The following PIGN variants were observed in gnomAD, a reference collection of about 807,000 sequenced individuals.
PIGN encodes phosphatidylinositol glycan anchor biosynthesis class N.
PIGN carries 117 observed loss-of-function variants against 125.4 expected under a neutral mutation model. The ratio of observed to expected loss-of-function variants is 0.93; its 90% confidence interval spans 0.80 to 1.09. The LOEUF (loss-of-function observed/expected upper bound fraction) is 1.09, where lower values mean the gene tolerates loss of function less well. Among genes scored for constraint, PIGN ranks in the 50% least tolerant of loss-of-function variants. The pLI, the probability that PIGN is intolerant of heterozygous loss-of-function variation, is 0.00. For missense variants in PIGN, 1,075 were observed against 1,094.9 expected, an observed-to-expected ratio of 0.98 and a Z score of 0.26; for synonymous variants, 392 against 377.8, an observed-to-expected ratio of 1.04 and a Z score of -0.44.
chr18:62,128,292 G>C (rs2146941103), intron 14 of PIGN, among the ~76,000 whole-genome samples: 1 of 152,240 alleles, frequency 6.6e-6, no homozygotes, highest in South Asian at 2.1e-4. Context: ...ACAAACTGAG[G>C]ACTTTCAGAG....
chr18:62,082,809 A>G (rs2033512291), intron 27 of PIGN, 63 bp from the exon 28 acceptor site: 2 of 860,786 alleles, frequency 2.3e-6, no homozygotes, highest in Non-Finnish European at 3.7e-6. Context: ...TTTTGAAAAA[A>G]ATACTATTTC....
intron 30 of PIGN, among the ~76,000 whole-genome samples, chr18:62,047,123 C>T (rs888143715): frequency 6.6e-6 from 1 of 152,230 alleles, no homozygotes; most frequent in South Asian, 2.1e-4. Context: ...ATTAACTGAT[C>T]TACTTCAGCC....
At chr18:62,032,700 T>C (rs1427006260) in intron 23 of PIGN, among the ~76,000 whole-genome samples, 1 of 152,222 alleles carries the variant, frequency 6.6e-6, no homozygotes, top group Non-Finnish European at 1.5e-5. Flanking sequence ...TGTGAGATCT[T>C]GGGCAAGTTA....
chr18:62,143,710 G>T (rs1326460303), intron 10 of PIGN, among the ~76,000 whole-genome samples: 3 of 152,088 alleles, frequency 2.0e-5, no homozygotes, highest in Non-Finnish European at 2.9e-5. Flanking sequence ...GAGTTATTAA[G>T]GCAATTCATA....
At chr18:62,048,498 A>G (rs1171665967) in intron 30 of PIGN, among the ~76,000 whole-genome samples, 2 of 152,150 alleles carry the variant, frequency 1.3e-5, no homozygotes, top group Non-Finnish European at 2.9e-5. Context: ...ATTTCTCATC[A>G]GAAAATATGG....
rs375923435 is a variant in PIGN at position 62,180,899 on chromosome 18, G to C, written c.-236+5945C>G. Among the ~76,000 whole-genome samples, 3 of 152,130 alleles carry C rather than the reference G, an allele frequency of 2.0e-5. No homozygotes were observed. In the South Asian group the frequency reaches 6.2e-4, roughly 32 times the overall value. On this transcript the variant is annotated intron_variant, in intron 1 of 30. Transcript: ENST00000640252. ...TGAGTTTTTTGTGTCTTGTACTATA[G>C]AAGAAAACTTTCCTGGTTCTTATGT...
chr18:62,113,205 T>A lies in PIGN; in HGVS notation c.1363A>T (p.Ile455Leu). 6.2e-7 allele frequency: 1 copy of A among 1,612,926 alleles called. No individual in the cohort carries two copies. The highest frequency in any genetic ancestry group is 8.5e-7 in the Non-Finnish European group (1 of 1,179,382). The change falls in exon 16 of 31, where the codon ATA becomes TTA. Residue 455 changes from isoleucine to leucine, a missense_variant. By Grantham distance (5) the Ile-to-Leu change is conservative. Around this residue, in one of 3 missense-constraint regions of PIGN, gnomAD observed 915 missense variants for 908.7 expected, o/e 1.01. Coordinates refer to ENST00000640252, the MANE Select transcript of PIGN (RefSeq NM_176787.5). ...VNVVIGFVGW[I>L]SYASLLIIKS... ...ATGATCAACAAAGAGGCATAAGATA[T>A]CCATCCCACAAAACCAATAACAACA...
chr18:62,066,644 C>G (rs987714049), intron 30 of PIGN, among the ~76,000 whole-genome samples: 6 of 152,158 alleles, frequency 3.9e-5, no homozygotes, highest in African/African-American at 1.4e-4. Context: ...GGACTCCGAT[C>G]TCAGATAAAC....
intron 17 of PIGN, among the ~76,000 whole-genome samples, chr18:62,108,537 C>T (rs1028948067): frequency 6.6e-6 from 1 of 151,740 alleles, no homozygotes; most frequent in Non-Finnish European, 1.5e-5. Context: ...GTCTTTTTGC[C>T]TTATAGTTAA....
At chr18:62,090,357 C>T (rs1414012934) in intron 24 of PIGN, 119 bp downstream of exon 24, 1 of 598,148 alleles carries the variant, frequency 1.7e-6, no homozygotes, top group Non-Finnish European at 2.9e-6. Context: ...TGCCAAACAA[C>T]TAAAACTTTT....
chr18:62,111,853 C>T (rs771626383), intron 16 of PIGN, among the ~76,000 whole-genome samples: 9 of 152,154 alleles, frequency 5.9e-5, no homozygotes, highest in Non-Finnish European at 1.3e-4. Flanking sequence ...TTGTACCATA[C>T]ACTCAATTAA....
At chr18:62,152,475 G>A (rs142445306) in intron 7 of PIGN, among the ~76,000 whole-genome samples, 27 of 152,158 alleles carry the variant, frequency 1.8e-4, no homozygotes, top group Admixed American at 9.2e-4. Flanking sequence ...GGCTGAGAAA[G>A]TCCATTGAGA....
intron 23 of PIGN, among the ~76,000 whole-genome samples, chr18:62,028,598 T>C (rs2030155336): frequency 6.6e-6 from 1 of 152,210 alleles, no homozygotes; most frequent in South Asian, 2.1e-4. Context: ...ATTACTTAAA[T>C]TGAAAAGCAT....
In PIGN at chr18:62,113,149, A is replaced by G. The variant is rs2034945773; in HGVS notation, c.1419T>C (p.Val473=). ...IKSHSNLIKG[V]SKEVKKPSHL... The stretch of plus-strand genomic sequence containing the variant: ...CTAAACGTACCTTCACTTCTTTACT[A>G]ACACCTTTTATAAGGTTGGAATGAG... Residue 473 remains valine (V), a synonymous_variant, in exon 16 of 31, where the codon GTT becomes GTC. Coordinates refer to ENST00000640252, the MANE Select transcript of PIGN (RefSeq NM_176787.5). The G allele has an allele frequency of 1.9e-6, 3 of 1,608,232 alleles. No homozygotes were observed. Among genetic ancestry groups the G allele is most frequent in the Non-Finnish European group, 8.5e-7 (1 of 1,176,744 alleles).
At chr18:62,085,305 A>C in intron 25 of PIGN, 41 bp from the exon 26 acceptor site, 3 of 1,335,494 alleles carry the variant, frequency 2.2e-6, no homozygotes, top group Non-Finnish European at 3.1e-6. Context: ...CTCAGATTTC[A>C]TACAAATTTC....
At chr18:62,178,531 A>C (rs1486416574) in intron 1 of PIGN, among the ~76,000 whole-genome samples, 3 of 151,620 alleles carry the variant, frequency 2.0e-5, no homozygotes, top group Admixed American at 2.0e-4. Context: ...GCTACTTAGG[A>C]GGGTGAGGCG....
chr18:62,018,105 T>C (rs566615773), intron 23 of PIGN, among the ~76,000 whole-genome samples: 9 of 152,286 alleles, frequency 5.9e-5, no homozygotes, highest in East Asian at 3.9e-4. Context: ...AATTCAGAAC[T>C]GCATGGGAAC....
chr18:62,039,598 C>T (rs535567719), downstream of PIGN, among the ~76,000 whole-genome samples: 31 of 107,292 alleles, frequency 2.9e-4, no homozygotes, highest in Non-Finnish European at 5.8e-4. Context: ...GGGTGCCGCA[C>T]CCCATGTTTA....
At chr18:62,033,283 G>A (rs2030217314) in intron 23 of PIGN, among the ~76,000 whole-genome samples, 1 of 152,162 alleles carries the variant, frequency 6.6e-6, no homozygotes, top group South Asian at 2.1e-4. Context: ...TCCACAGTAT[G>A]GCTTGTCTAC....
Sources: allele counts gnomAD v4.1 joint callset (sites outside exome capture counted in the v4.1 genomes callset), GRCh38; gene constraint gnomAD v4.1.1; regional missense constraint gnomAD v4.1.1; transcripts MANE v1.5; gene names NCBI Gene and HGNC (gene_info 2026-07-23, HGNC 2026-07-21).